The following ULK4 variants were observed in gnomAD, a reference collection of about 807,000 sequenced individuals.
The protein encoded by ULK4 is unc-51 like kinase 4, also known as inactive serine/threonine-protein kinase ULK4.
Under a neutral mutation model 160.6 loss-of-function variants are expected in ULK4, and 133 were observed. The observed-to-expected ratio is 0.83, with a 90% CI of 0.72 to 0.96. The LOEUF (loss-of-function observed/expected upper bound fraction) is 0.96, where lower values mean the gene tolerates loss of function less well. Among genes scored for constraint, ULK4 ranks in the 40% least tolerant of loss-of-function variants. The pLI is 0.00. For synonymous variants in ULK4, 534 were observed against 539.8 expected (o/e 0.99, Z 0.15); for missense variants, 1,580 against 1,499.5 (o/e 1.05, Z -0.89).
At chr3:41,930,249 A>G (rs1050913075) in intron 5 of ULK4, among the ~76,000 whole-genome samples, 1 of 116,548 alleles carries the variant, frequency 8.6e-6, no homozygotes, top group Admixed American at 8.4e-5. Flanking sequence ...CCTATTTAAT[A>G]GGAAATCCTA....
chr3:41,532,922 T>TGGTG (rs1447215625), intron 32 of ULK4, among the ~76,000 whole-genome samples: 6 of 152,202 alleles, frequency 3.9e-5, no homozygotes, highest in Non-Finnish European at 5.9e-5. Flanking sequence ...CTCCACCCCT[T>TGGTG]GAACCAATAT....
chr3:41,545,746 G>A (rs1388917527), intron 32 of ULK4, among the ~76,000 whole-genome samples: 2 of 151,974 alleles, frequency 1.3e-5, no homozygotes, highest in Non-Finnish European at 2.9e-5. Flanking sequence ...CTGTTTCTGG[G>A]ATTCCAAGTA....
At chr3:41,790,851 A>C (rs1405293722) in intron 20 of ULK4, among the ~76,000 whole-genome samples, 1 of 152,200 alleles carries the variant, frequency 6.6e-6, no homozygotes, top group East Asian at 1.9e-4. Flanking sequence ...GAAAGGAAAG[A>C]CATGATGATA....
intron 18 of ULK4, among the ~76,000 whole-genome samples, chr3:41,831,531 A>ATATATATATATATATATATTTTTTTTTT: frequency 2.9e-5 from 4 of 138,122 alleles, no homozygotes; most frequent in South Asian, 2.3e-4. Context: ...ATATATATAT[A>ATATATATATATATATATATTTTTTTTTT]TTTTTTTTTC....
chr3:41,624,885 T>C (rs2033425294), intron 30 of ULK4, among the ~76,000 whole-genome samples: 1 of 152,202 alleles, frequency 6.6e-6, no homozygotes, highest in Non-Finnish European at 1.5e-5. Flanking sequence ...TGGATAATGC[T>C]GCAATGAATA....
At chr3:41,275,572 A>C (rs1047938676) in intron 35 of ULK4, among the ~76,000 whole-genome samples, 1 of 152,234 alleles carries the variant, frequency 6.6e-6, no homozygotes, top group Admixed American at 6.5e-5. Flanking sequence ...CTTTTCAAAG[A>C]AAGATTAGAA....
intron 27 of ULK4, among the ~76,000 whole-genome samples, chr3:41,702,481 T>C (rs1252298087): frequency 1.3e-5 from 2 of 152,160 alleles, no homozygotes; most frequent in Non-Finnish European, 2.9e-5. Flanking sequence ...ATGATGTTTC[T>C]ATTACATAGA....
chr3:41,844,801 A>G (rs1422125893), intron 17 of ULK4, among the ~76,000 whole-genome samples: 7 of 152,062 alleles, frequency 4.6e-5, no homozygotes, highest in Non-Finnish European at 2.9e-5. Context: ...AAAAAAAAAA[A>G]AAAAAAAAAA....
chr3:41,586,238 G>C (rs144792745), intron 31 of ULK4, among the ~76,000 whole-genome samples: 33 of 152,268 alleles, frequency 2.2e-4, no homozygotes, highest in African/African-American at 7.0e-4. Flanking sequence ...CTAAGATATG[G>C]AATCAACTTG....
chr3:41,485,109 C>T (rs1189014263), intron 32 of ULK4, among the ~76,000 whole-genome samples: 1 of 152,180 alleles, frequency 6.6e-6, no homozygotes. Flanking sequence ...CCTTCAACAA[C>T]TCCATTTCAC....
At chr3:41,396,670 A>G (rs574963267) in intron 35 of ULK4, among the ~76,000 whole-genome samples, 16 of 152,258 alleles carry the variant, frequency 1.1e-4, no homozygotes, top group African/African-American at 3.6e-4. Context: ...GAATAACCAG[A>G]AAGTCCAAAA....
intron 32 of ULK4, among the ~76,000 whole-genome samples, chr3:41,509,274 A>G (rs2085492813): frequency 6.6e-6 from 1 of 152,254 alleles, no homozygotes; most frequent in East Asian, 1.9e-4. Context: ...ATCAAAGAAA[A>G]GAAGAAAGAA....
chr3:41,412,401 T>TTC (rs988287576), intron 34 of ULK4, among the ~76,000 whole-genome samples: 16 of 151,296 alleles, frequency 1.1e-4, no homozygotes, highest in Non-Finnish European at 1.9e-4. Context: ...CCCCCAAGTT[T>TTC]TTTTTTTTTT....
intron 20 of ULK4, among the ~76,000 whole-genome samples, chr3:41,792,421 A>G (rs907523062): frequency 6.6e-6 from 1 of 152,262 alleles, no homozygotes; most frequent in East Asian, 1.9e-4. Context: ...TTTTAAAAAA[A>G]AGATCATTTG....
intron 30 of ULK4, among the ~76,000 whole-genome samples, chr3:41,634,970 T>G (rs751506942): frequency 4.6e-5 from 7 of 152,080 alleles, no homozygotes; most frequent in Non-Finnish European, 1.0e-4. Context: ...AAAGAGTTAG[T>G]AGGAAAAATA....
intron 18 of ULK4, among the ~76,000 whole-genome samples, chr3:41,827,216 T>C (rs1409807775): frequency 1.4e-5 from 2 of 145,792 alleles, no homozygotes; most frequent in African/African-American, 2.6e-5. Context: ...AGGAAAGATC[T>C]AAAATTGACA....
chr3:41,394,844 C>T (rs1367555504), intron 35 of ULK4, among the ~76,000 whole-genome samples: 1 of 152,018 alleles, frequency 6.6e-6, no homozygotes, highest in Non-Finnish European at 1.5e-5. Context: ...AACTAGAAAG[C>T]TTTCGGAAGA....
intron 25 of ULK4, among the ~76,000 whole-genome samples, chr3:41,712,875 A>C (rs2125839029): frequency 6.6e-6 from 1 of 152,248 alleles, no homozygotes; most frequent in East Asian, 1.9e-4. Flanking sequence ...TGGGTGACAG[A>C]GCAAGACCCT....
intron 2 of ULK4, 26 bp downstream of exon 2, chr3:41,954,596 A>C (rs1368072028): frequency 6.2e-7 from 1 of 1,601,584 alleles, no homozygotes; most frequent in African/African-American, 1.3e-5. Context: ...CTCTTTCCCC[A>C]TGCCAATGGA....
Sources: gnomAD v4.1 joint callset for allele counts (sites outside exome capture counted in the v4.1 genomes callset) on GRCh38, gnomAD v4.1.1 for gene constraint, MANE v1.5 for transcripts, NCBI Gene and HGNC (gene_info 2026-07-23, HGNC 2026-07-21) for gene names.